Variants in ZNF354B observed in about 807,000 individuals in gnomAD.
The protein encoded by ZNF354B is zinc finger protein 354B.
ZNF354B carries 10 observed loss-of-function variants against 12.9 expected under a neutral mutation model. The ratio of observed to expected loss-of-function variants is 0.77; its 90% CI spans 0.48 to 1.31. ZNF354B has a LOEUF of 1.31. ZNF354B is among the 40% of genes most tolerant of loss of function. ZNF354B has a pLI of 0.00. For synonymous variants in ZNF354B, 260 were observed against 243.7 expected, an observed-to-expected ratio of 1.07 and a Z score of -0.62; for missense variants, 614 against 711.7, an observed-to-expected ratio of 0.86 and a Z score of 1.56.
chr5:178,861,674 C>T (rs141834941), intron 2 of ZNF354B, among the ~76,000 whole-genome samples: 1 of 145,916 alleles, frequency 6.9e-6, no homozygotes, highest in East Asian at 2.0e-4. Flanking sequence ...ACACAGAAGA[C>T]CCCTCAGCTA....
intron 1 of ZNF354B, 95 bp downstream of exon 1, chr5:178,860,222 G>T (rs111767926): frequency 0.072 from 10,945 of 152,122 alleles, 493 homozygotes; most frequent in East Asian, 0.12. Flanking sequence ...TGGGCGCGGG[G>T]GGGCACCCCC....
chr5:178,868,624 C>T (rs1253123359), intron 4 of ZNF354B, among the ~76,000 whole-genome samples: 1 of 152,136 alleles, frequency 6.6e-6, no homozygotes, highest in Non-Finnish European at 1.5e-5. Flanking sequence ...TCAGCAAAGG[C>T]TTCCCTGTGG....
chr5:178,878,681 G>C (rs531214006), intron 4 of ZNF354B, among the ~76,000 whole-genome samples: 1 of 152,202 alleles, frequency 6.6e-6, no homozygotes, highest in African/African-American at 2.4e-5. Context: ...TTTTCCACTT[G>C]GAGGTTTTTT....
rs1027687529 is a variant in ZNF354B, at chr5:178,884,606, A to T, written c.*315A>T. 1.5e-5 allele frequency: 3 copies of T among 203,848 alleles called. No individual in the cohort carries two copies. The highest frequency in any genetic ancestry group is 6.9e-5 in the African/African-American group (3 of 43,452). The allele number at this position is 203,848 out of a possible 1,614,324, so 12.6% of individuals were successfully genotyped here. On this transcript the variant is annotated 3_prime_UTR_variant, in exon 5 of 5. Transcript: ENST00000322434. ...TGGGTGCTGAGGTGCTGAATTTTTC[A>T]TTAGAAAAACATTTGTATAAACTAC...
chr5:178,860,437 C>T (rs1317008292), intron 1 of ZNF354B, among the ~76,000 whole-genome samples: 2 of 152,126 alleles, frequency 1.3e-5, no homozygotes, highest in African/African-American at 2.4e-5. Context: ...GCAGAGGCAG[C>T]CGGGCCCGGT....
At chr5:178,876,373 G>A (rs1757638624) in intron 4 of ZNF354B, among the ~76,000 whole-genome samples, 1 of 152,238 alleles carries the variant, frequency 6.6e-6, no homozygotes, top group Non-Finnish European at 1.5e-5. Context: ...AGAGCCTGAG[G>A]GCAACAGCAG....
chr5:178,869,107 G>C (rs138823336), intron 4 of ZNF354B, among the ~76,000 whole-genome samples: 1 of 152,224 alleles, frequency 6.6e-6, no homozygotes, highest in Non-Finnish European at 1.5e-5. Context: ...CTAAGCATAG[G>C]CTCTGAGGAG....
Position 178,866,368 on chromosome 5 carries a change from TG to T in ZNF354B, c.160+1del. On this transcript the variant is annotated frameshift_variant and splice_region_variant, in exon 3 of 5. Coordinates refer to ENST00000322434, the MANE Select transcript of ZNF354B (RefSeq NM_058230.3). LOFTEE classifies it high-confidence loss of function. ...GAGAACTATAGGAACCTGGTCTCAC[TG>T]GGTAAGGAAATTTCCCCTCTAGAAA... ...MLENYRNLVSLGLSFTKPKVI... is the reference protein window; with the variant it reads ...MLENYRNLVSXGLSFTKPKVI... 1 of 1,609,898 alleles carries T rather than the reference TG, an allele frequency of 6.2e-7. No individual in the cohort carries two copies. Among genetic ancestry groups the T allele is most frequent in the African/African-American group, 1.3e-5 (1 of 74,802 alleles).
intron 2 of ZNF354B, among the ~76,000 whole-genome samples, chr5:178,862,267 C>G (rs765644936): frequency 3.9e-5 from 6 of 152,002 alleles, no homozygotes; most frequent in Non-Finnish European, 7.4e-5. Context: ...GCTCTGAGTT[C>G]CGTCGGACCA....
intron 4 of ZNF354B, among the ~76,000 whole-genome samples, chr5:178,871,220 T>A (rs1757558921): frequency 6.6e-6 from 1 of 152,154 alleles, no homozygotes; most frequent in South Asian, 2.1e-4. Context: ...TCTTCACCCT[T>A]AGCTCCTTCC....
In ZNF354B at chr5:178,882,967, T is replaced by A; in HGVS notation, c.515T>A (p.Val172Asp). ...EFGQNFYLKS[V>D]FIKQQRFAKE... ...GGCCAAAACTTCTACCTGAAATCAG[T>A]CTTCATTAAGCAACAGAGATTTGCT... Residue 172 changes from valine to aspartate, a missense_variant, in exon 5 of 5, where the codon GTC (valine) becomes GAC (aspartate). Coordinates refer to ENST00000322434, the MANE Select transcript of ZNF354B (RefSeq NM_058230.3). 1.2e-6 allele frequency: 2 copies of A among 1,608,018 alleles called. 1 individual carries two copies. The highest frequency in any genetic ancestry group is 1.7e-6 in the Non-Finnish European group (2 of 1,178,614).
At chr5:178,869,752 G>A (rs1757532198) in intron 4 of ZNF354B, among the ~76,000 whole-genome samples, 1 of 152,064 alleles carries the variant, frequency 6.6e-6, no homozygotes, top group Admixed American at 6.5e-5. Context: ...GAGTAAGAAA[G>A]GACGTCAGAG....
At chr5:178,880,079 T>G (rs1437878873) in intron 4 of ZNF354B, among the ~76,000 whole-genome samples, 1 of 152,120 alleles carries the variant, frequency 6.6e-6, no homozygotes, top group Non-Finnish European at 1.5e-5. Context: ...TGAGCTGAGA[T>G]CACGTCACCG....
chr5:178,878,550 A>G (rs1757674648), intron 4 of ZNF354B, among the ~76,000 whole-genome samples: 1 of 152,186 alleles, frequency 6.6e-6, no homozygotes, highest in South Asian at 2.1e-4. Context: ...CTCGGTGCCC[A>G]TTTAGGTCTC....
Position 178,861,173 on chromosome 5 carries a change from C to T in ZNF354B, c.33+93C>T, listed in dbSNP as rs966281861. ...GACCATCTCCAGCCAGGATGGAGCC[C>T]AAGTCCTTTTCTCTTGGAGGAGCTG... On this transcript the variant is annotated intron_variant, in intron 2 of 4. Coordinates refer to ENST00000322434, the MANE Select transcript of ZNF354B (RefSeq NM_058230.3). 5.3e-5 allele frequency: 50 copies of T among 951,552 alleles called. 2 individuals are homozygous for T. Among genetic ancestry groups the T allele is most frequent in the Non-Finnish European group, 7.4e-5 (45 of 611,430 alleles). The allele number at this position is 951,552 out of a possible 1,614,324, so 58.9% of individuals were successfully genotyped here. A position where few individuals can be genotyped will look rare whatever the true frequency, so the allele number is the denominator to read the frequency against.
At chr5:178,876,204 A>G (rs1388990951) in intron 4 of ZNF354B, among the ~76,000 whole-genome samples, 2 of 152,198 alleles carry the variant, frequency 1.3e-5, no homozygotes, top group African/African-American at 2.4e-5. Flanking sequence ...GCATTCAGGT[A>G]GGCTTGATGG....
chr5:178,864,711 C>T (rs1369316920), intron 2 of ZNF354B, among the ~76,000 whole-genome samples: 1 of 151,944 alleles, frequency 6.6e-6, no homozygotes, highest in South Asian at 2.1e-4. Context: ...CAAGTTCCGC[C>T]TCCTGGGTTC....
chr5:178,862,390 G>T (rs1168311076), intron 2 of ZNF354B, among the ~76,000 whole-genome samples: 1 of 131,396 alleles, frequency 7.6e-6, no homozygotes, highest in Non-Finnish European at 1.6e-5. Context: ...TTTTTGAGAG[G>T]CAGTCTTGCT....
rs777422253 is a variant in ZNF354B at position 178,883,523 on chromosome 5, T to C, written c.1071T>C (p.Asn357=). 7 of 1,614,150 alleles carry C rather than the reference T, an allele frequency of 4.3e-6. No homozygotes were observed. Among genetic ancestry groups the C allele is most frequent in the African/African-American group, 2.7e-5 (2 of 75,046 alleles). The change falls in exon 5 of 5, where the codon AAT becomes AAC. Residue 357 remains asparagine (N), a synonymous_variant. Coordinates refer to ENST00000322434, the MANE Select transcript of ZNF354B (RefSeq NM_058230.3). ...TCAGAAAGAAGTCCTACTTATGTAA[T>C]GAATGTGGCAACACCTTTAAGTCTA... is the stretch of plus-strand genomic sequence containing the variant. ...IHLRKKSYLC[N]ECGNTFKSSS...
Sources: allele counts gnomAD v4.1 joint callset (sites outside exome capture counted in the v4.1 genomes callset), GRCh38; gene constraint gnomAD v4.1.1; transcripts MANE v1.5; gene names NCBI Gene and HGNC (gene_info 2026-07-23, HGNC 2026-07-21).